Variants in TGM2 observed in about 807,000 individuals in gnomAD.
TGM2 encodes protein-glutamine gamma-glutamyltransferase 2.
Under a neutral mutation model 75.6 loss-of-function variants are expected in TGM2, and 53 were observed. The observed-to-expected ratio is 0.70, with a 90% confidence interval of 0.56 to 0.88. TGM2 has a LOEUF of 0.88. TGM2 is among the 40% of genes least tolerant of loss of function. TGM2 has a pLI of 0.00. For synonymous variants in TGM2, 374 were observed against 381.1 expected (o/e 0.98, Z 0.22); for missense variants, 842 against 928.5 (o/e 0.91, Z 1.21).
At chr20:38,132,601 G>A (rs1385087310) in intron 10 of TGM2, 101 bp from the exon 11 acceptor site, 5 of 1,495,364 alleles carry the variant, frequency 3.3e-6, no homozygotes, top group Non-Finnish European at 3.7e-6. Flanking sequence ...ATGTGCTTGG[G>A]GTCACACAGC....
chr20:38,137,724 C>A (rs2074916942), intron 10 of TGM2, among the ~76,000 whole-genome samples: 1 of 152,122 alleles, frequency 6.6e-6, no homozygotes, highest in Non-Finnish European at 1.5e-5. Flanking sequence ...GCATGAGGGG[C>A]TGGAGACAGT....
chr20:38,137,946 G>GA, intron 10 of TGM2, 167 bp downstream of exon 10: 1 of 1,417,164 alleles, frequency 7.1e-7, no homozygotes, highest in Non-Finnish European at 9.3e-7. Context: ...CTTGCAATAA[G>GA]AATTAAGTGG....
Position 38,141,307 on chromosome 20 carries a change from G to T in TGM2, c.1074C>A (p.Asp358Glu). The T allele has an allele frequency of 6.3e-7, 1 of 1,584,610 alleles. No homozygotes were observed. The highest frequency in any genetic ancestry group is 1.8e-5 in the Admixed American group (1 of 55,554). The change falls in exon 8 of 13, where the codon GAC (aspartate) becomes GAA (glutamate). Residue 358 changes from aspartate to glutamate, a missense_variant. Coordinates refer to ENST00000361475, the MANE Select transcript of TGM2 (RefSeq NM_004613.4). ...CTTCGCTCTTCTCCTGGGGCGTTGG[G>T]TCCAGGGCCTGCCAGCCCTCGTACC... ...QPGYEGWQAL[D>E]PTPQEKSEGT...
chr20:38,147,031 G>A, intron 5 of TGM2, 137 bp from the exon 6 acceptor site: 1 of 885,940 alleles, frequency 1.1e-6, no homozygotes, highest in Non-Finnish European at 1.8e-6. Context: ...GTGCAAAGGG[G>A]CCATCGTGTG....
chr20:38,165,671 A>AACACACAC (rs71833660), upstream of TGM2, among the ~76,000 whole-genome samples: 142 of 143,316 alleles, frequency 9.9e-4, no homozygotes, highest in Admixed American at 2.9e-3. Context: ...CCCCACCCCC[A>AACACACAC]ACACACACAC....
At position 38,139,628 on chromosome 20, in the gene TGM2, C is replaced by T; in HGVS notation, c.1126G>A (p.Val376Ile). ...AGGTCGCCCTCCTTGATGGCACGAACTGGAACTGGGCCACAGCAGTACGTC... is the reference window on the plus strand; with the variant it reads ...AGGTCGCCCTCCTTGATGGCACGAATTGGAACTGGGCCACAGCAGTACGTC... Reference protein sequence around the residue: ...EGTYCCGPVPVRAIKEGDLST... With the variant: ...EGTYCCGPVPIRAIKEGDLST... The change falls in exon 9 of 13, where the codon GTT (valine) becomes ATT (isoleucine). Residue 376 changes from valine to isoleucine, a missense_variant. Transcript: ENST00000361475. 1 of 1,614,182 alleles carries T rather than the reference C, an allele frequency of 6.2e-7. No individual in the cohort carries two copies. The highest frequency in any genetic ancestry group is 2.2e-5 in the East Asian group (1 of 44,884).
intron 9 of TGM2, 74 bp from the exon 10 acceptor site, chr20:38,138,459 T>G: frequency 6.2e-7 from 1 of 1,608,086 alleles, no homozygotes; most frequent in South Asian, 1.1e-5. Flanking sequence ...CAGGGCGAGC[T>G]GTCTTCGCAG....
chr20:38,150,343 T>C (rs557036012), intron 4 of TGM2, among the ~76,000 whole-genome samples: 3 of 152,236 alleles, frequency 2.0e-5, no homozygotes, highest in South Asian at 2.1e-4. Flanking sequence ...CACAGACTTG[T>C]GAGAAATAAT....
rs373901593 is a variant in TGM2, at chr20:38,130,232, A to G, written c.2051T>C (p.Ile684Thr). 1.5e-5 allele frequency: 25 copies of G among 1,613,456 alleles called. No homozygotes were observed. The East Asian group carries it at 4.5e-4, about 29-fold the overall frequency. The change falls in exon 13 of 13, where the codon ATT becomes ACT. Residue 684 changes from isoleucine (I) to threonine (T), a missense_variant. By Grantham distance (89) the Ile-to-Thr change is moderately conservative (BLOSUM62 -1). Coordinates refer to ENST00000361475, the MANE Select transcript of TGM2 (RefSeq NM_004613.4). ...AGCAGGGGTCCCTTAGGCGGGGCCA[A>G]TGATGACATTCCGGAAGCCCTTCAC... Reference protein sequence around the residue: ...KAVKGFRNVIIGPA With the variant: ...KAVKGFRNVITGPA
intron 2 of TGM2, among the ~76,000 whole-genome samples, chr20:38,159,375 G>C (rs1429524093): frequency 2.0e-5 from 3 of 152,078 alleles, no homozygotes; most frequent in African/African-American, 7.2e-5. Context: ...AGGGTGAGAG[G>C]AGGGAGAGGA....
At chr20:38,134,729 G>A (rs2074877554) in intron 10 of TGM2, among the ~76,000 whole-genome samples, 2 of 152,222 alleles carry the variant, frequency 1.3e-5, no homozygotes, top group Admixed American at 1.3e-4. Context: ...AGGCAGGAAG[G>A]AGAAGAGAAA....
chr20:38,157,284 C>T (rs558016693), intron 2 of TGM2, among the ~76,000 whole-genome samples: 41 of 143,434 alleles, frequency 2.9e-4, no homozygotes, highest in African/African-American at 1.0e-3. Context: ...CATGAACTAA[C>T]AGGCATGACA....
chr20:38,149,089 G>A (rs544176412), intron 4 of TGM2, among the ~76,000 whole-genome samples: 5 of 152,282 alleles, frequency 3.3e-5, no homozygotes, highest in Admixed American at 3.3e-4. Context: ...CACACACAAG[G>A]TATGCCCCAA....
intron 1 of TGM2, among the ~76,000 whole-genome samples, chr20:38,164,193 G>A (rs949262118): frequency 5.9e-5 from 9 of 152,182 alleles, no homozygotes; most frequent in African/African-American, 2.2e-4. Flanking sequence ...AGCTGGGCCC[G>A]AGGGAGGCAG....
At chr20:38,143,583 AG>A (rs1490348732) in intron 6 of TGM2, among the ~76,000 whole-genome samples, 3 of 152,188 alleles carry the variant, frequency 2.0e-5, no homozygotes, top group African/African-American at 7.2e-5. Flanking sequence ...AGCACAGGGG[AG>A]GGAGGAAAAT....
At position 38,142,909 on chromosome 20, in the gene TGM2, G is replaced by A. The variant is rs577967009; in HGVS notation, c.860-710C>T. ...CTGCCTCTGCCAGCTTCAAGGCATC[G>A]GTGTCTGCAATTCCCTCTGCCTGGA... On this transcript the variant is annotated intron_variant, in intron 6 of 12. Coordinates refer to ENST00000361475, the MANE Select transcript of TGM2 (RefSeq NM_004613.4). Among the ~76,000 whole-genome samples the A allele has an allele frequency of 6.6e-5, 10 of 152,304 alleles. No homozygotes were observed. In the South Asian group the frequency reaches 1.5e-3, roughly 22 times the overall value.
In TGM2 at chr20:38,138,194, G is replaced by A. The variant is rs1196479881; in HGVS notation, c.1534C>T (p.Arg512Cys). The A allele has an allele frequency of 1.1e-5, 17 of 1,609,128 alleles. No homozygotes were observed. Among genetic ancestry groups the A allele is most frequent in the South Asian group, 2.2e-5 (2 of 90,226 alleles). Residue 512 changes from arginine to cysteine, a missense_variant, in exon 10 of 13, where the codon CGC (arginine) becomes TGC (cysteine). By Grantham distance (180) the Arg-to-Cys change is radical. Transcript: ENST00000361475. ...AAGATCCCATTGTAGCTGACGGTGC[G>A]GGCACAGAGCAGGAGGCGGCAGACG... ...EYVCRLLLCA[R>C]TVSYNGILGP...
chr20:38,163,536 T>C (rs2075278638), intron 1 of TGM2, among the ~76,000 whole-genome samples: 2 of 152,178 alleles, frequency 1.3e-5, no homozygotes, highest in African/African-American at 4.8e-5. Context: ...GCTTTGGGAT[T>C]GGAATCCAGA....
At chr20:38,165,666 C>T (rs1349677869), upstream of TGM2, among the ~76,000 whole-genome samples, 1 of 137,994 alleles carries the variant, frequency 7.2e-6, no homozygotes, top group African/African-American at 2.8e-5. Context: ...CACCTCCCCA[C>T]CCCCAACACA....
Sources: gnomAD v4.1 joint callset for allele counts (sites outside exome capture counted in the v4.1 genomes callset) on GRCh38, gnomAD v4.1.1 for gene constraint, MANE v1.5 for transcripts, NCBI Gene and HGNC (gene_info 2026-07-23, HGNC 2026-07-21) for gene names.